ZNF365: variants seen among roughly 807,000 people sequenced by gnomAD.
The protein encoded by ZNF365 is protein ZNF365.
ZNF365 carries 22 observed loss-of-function variants against 35.0 expected under a neutral mutation model. That is an observed-to-expected ratio of 0.63 (90% confidence interval 0.45 to 0.90). The LOEUF is 0.90. Among genes scored for constraint, ZNF365 ranks in the 40% least tolerant of loss-of-function variants. ZNF365 has a pLI of 0.00. For synonymous variants in ZNF365, 188 were observed against 196.2 expected (o/e 0.96, Z 0.35); for missense variants, 448 against 500.3 (o/e 0.90, Z 1.00).
At chr10:62,421,436 A>G (rs934432370) in intron 3 of ZNF365, among the ~76,000 whole-genome samples, 1 of 152,200 alleles carries the variant, frequency 6.6e-6, no homozygotes, top group Non-Finnish European at 1.5e-5. Context: ...CCTCAGGACC[A>G]TGAATCCTCT....
chr10:62,455,965 C>T (rs1840755217), intron 3 of ZNF365, among the ~76,000 whole-genome samples: 2 of 152,190 alleles, frequency 1.3e-5, no homozygotes, highest in South Asian at 4.1e-4. Context: ...TGTATTTAAA[C>T]TTCTGTTGTT....
chr10:62,456,476 G>A (rs916445225), intron 3 of ZNF365, among the ~76,000 whole-genome samples: 5 of 152,016 alleles, frequency 3.3e-5, no homozygotes, highest in African/African-American at 1.2e-4. Flanking sequence ...TCTATCATTG[G>A]TTACCTGTAT....
intron 3 of ZNF365, among the ~76,000 whole-genome samples, chr10:62,428,343 A>G (rs1339416444): frequency 6.6e-6 from 1 of 151,972 alleles, no homozygotes; most frequent in Non-Finnish European, 1.5e-5. Flanking sequence ...TGTGGGAGGG[A>G]CCTGGTGGGA....
At chr10:62,396,876 G>C (rs1456690150) in intron 3 of ZNF365, among the ~76,000 whole-genome samples, 1 of 152,048 alleles carries the variant, frequency 6.6e-6, no homozygotes, top group East Asian at 1.9e-4. Context: ...AACACATTTT[G>C]TTATGCTCTA....
intron 4 of ZNF365, among the ~76,000 whole-genome samples, chr10:62,473,033 G>T (rs1435572928): frequency 6.6e-6 from 1 of 152,162 alleles, no homozygotes; most frequent in Non-Finnish European, 1.5e-5. Context: ...TCCAATTTAG[G>T]TTTTTATTTC....
rs185576412 is a variant in ZNF365 at position 62,410,964 on chromosome 10, C to A, written c.924+22388C>A. On this transcript the variant is annotated intron_variant, in intron 3 of 4. Coordinates refer to the ZNF365 transcript ENST00000395255. The stretch of plus-strand genomic sequence containing the variant: ...TTGTTTCTGGACATTTTAATAATTG[C>A]CATTCTGACTAGCTTGAGACAGTGT... Among the ~76,000 whole-genome samples, 145 of 152,250 alleles carry A rather than the reference C, an allele frequency of 9.5e-4. 3 individuals are homozygous for A. The highest frequency in any genetic ancestry group is 3.3e-3 in the African/African-American group (136 of 41,534).
At chr10:62,434,198 G>A (rs748736704) in intron 3 of ZNF365, among the ~76,000 whole-genome samples, 14 of 152,130 alleles carry the variant, frequency 9.2e-5, no homozygotes, top group Non-Finnish European at 2.1e-4. Flanking sequence ...AGACAAGTTT[G>A]GGAAACATTG....
At chr10:62,418,907 C>A (rs1340055829) in intron 3 of ZNF365, among the ~76,000 whole-genome samples, 1 of 119,170 alleles carries the variant, frequency 8.4e-6, no homozygotes, top group African/African-American at 3.0e-5. Context: ...GGTGTGATGA[C>A]TTATTCTGAA....
intron 4 of ZNF365, 37 bp downstream of exon 4, chr10:62,398,814 T>C (rs767044149): frequency 1.3e-6 from 2 of 1,577,004 alleles, no homozygotes; most frequent in Non-Finnish European, 1.7e-6. Context: ...CATTTGATAA[T>C]GTTTGTATTG....
chr10:62,385,709 T>C (rs1023269002), intron 2 of ZNF365, among the ~76,000 whole-genome samples: 5 of 152,218 alleles, frequency 3.3e-5, no homozygotes, highest in Non-Finnish European at 7.3e-5. Context: ...TTACAACAAA[T>C]ACTTATTCAA....
At chr10:62,471,092 T>G (rs13376977) in intron 4 of ZNF365, among the ~76,000 whole-genome samples, 1 of 151,940 alleles carries the variant, frequency 6.6e-6, no homozygotes, top group Non-Finnish European at 1.5e-5. Context: ...CTAGGCCGGG[T>G]GCCGTGGCTC....
intron 3 of ZNF365, among the ~76,000 whole-genome samples, chr10:62,392,674 A>G (rs1228377270): frequency 1.3e-5 from 2 of 152,070 alleles, no homozygotes; most frequent in Non-Finnish European, 2.9e-5. Flanking sequence ...CTCTGTTGCC[A>G]GGCTAGAGTG....
At chr10:62,404,585 C>T (rs1485065617), downstream of ZNF365, among the ~76,000 whole-genome samples, 2 of 152,100 alleles carry the variant, frequency 1.3e-5, no homozygotes, top group African/African-American at 4.8e-5. Flanking sequence ...TGCTTAGGGG[C>T]TGTGAGAGTT....
chr10:62,404,729 G>T (rs1278743958), downstream of ZNF365, among the ~76,000 whole-genome samples: 1 of 152,168 alleles, frequency 6.6e-6, no homozygotes, highest in Non-Finnish European at 1.5e-5. Context: ...TGGGAATTGG[G>T]CTGGGTTCTT....
downstream of ZNF365, among the ~76,000 whole-genome samples, chr10:62,406,252 T>G (rs181136124): frequency 6.6e-6 from 1 of 152,288 alleles, no homozygotes; most frequent in Non-Finnish European, 1.5e-5. Flanking sequence ...CTGCCTGGAA[T>G]GGACTTCTCT....
At position 62,462,212 on chromosome 10, in the gene ZNF365, G is replaced by A. The variant is rs1031717592; in HGVS notation, c.981+2415G>A. Among the ~76,000 whole-genome samples, 5 of 152,170 alleles carry A rather than the reference G, an allele frequency of 3.3e-5. No homozygotes were observed. The South Asian group carries it at 6.2e-4, about 19-fold the overall frequency. On this transcript the variant is annotated intron_variant, in intron 4 of 4. Coordinates refer to the ZNF365 transcript ENST00000395255. ...CCCCTCCCACACACACACACACAGA[G>A]GAGGCTGACTGTGGTGAACTCAACT...
At chr10:62,422,282 C>A (rs1840181858) in intron 3 of ZNF365, among the ~76,000 whole-genome samples, 1 of 152,142 alleles carries the variant, frequency 6.6e-6, no homozygotes, top group South Asian at 2.1e-4. Context: ...AATGTGATAT[C>A]TCATAAGAAA....
chr10:62,410,771 G>A (rs1234552996), intron 3 of ZNF365, among the ~76,000 whole-genome samples: 2 of 151,958 alleles, frequency 1.3e-5, no homozygotes, highest in African/African-American at 4.8e-5. Context: ...TATCACTGAT[G>A]GGCATTTGGG....
intron 4 of ZNF365, among the ~76,000 whole-genome samples, chr10:62,471,646 C>T (rs978766700): frequency 3.3e-5 from 5 of 152,154 alleles, no homozygotes; most frequent in African/African-American, 9.6e-5. Flanking sequence ...CTACCTATAC[C>T]GTACACCCAC....
Sources: gnomAD v4.1 joint callset for allele counts (sites outside exome capture counted in the v4.1 genomes callset) on GRCh38, gnomAD v4.1.1 for gene constraint, MANE v1.5 for transcripts, NCBI Gene and HGNC (gene_info 2026-07-23, HGNC 2026-07-21) for gene names.